NXPH2: variants seen among roughly 807,000 people sequenced by gnomAD.
NXPH2 encodes the protein neurexophilin 2.
NXPH2 carries 5 observed loss-of-function variants against 19.8 expected under a neutral mutation model. The observed-to-expected ratio is 0.25, with a 90% CI of 0.13 to 0.53. The LOEUF (loss-of-function observed/expected upper bound fraction) is 0.53, where lower values mean the gene tolerates loss of function less well. Among genes scored for constraint, NXPH2 ranks in the 20% least tolerant of loss-of-function variants. The probability of loss-of-function intolerance (pLI) is 0.96; values close to 1 mark genes in which losing one functional copy is unlikely to be tolerated. For synonymous variants in NXPH2, 154 were observed against 127.4 expected, an observed-to-expected ratio of 1.21 and a Z score of -1.41; for missense variants, 289 against 322.8, an observed-to-expected ratio of 0.90 and a Z score of 0.80.
intron 1 of NXPH2, among the ~76,000 whole-genome samples, chr2:138,729,384 G>T (rs1277548015): frequency 6.6e-6 from 1 of 152,176 alleles, no homozygotes; most frequent in Non-Finnish European, 1.5e-5. Context: ...GGATGTGTTT[G>T]CTTCCCCTTT....
chr2:138,751,256 C>T (rs1392580490), intron 1 of NXPH2, among the ~76,000 whole-genome samples: 2 of 152,080 alleles, frequency 1.3e-5, no homozygotes, highest in Non-Finnish European at 2.9e-5. Flanking sequence ...ACTCTGAGAT[C>T]CAGCTACCCA....
intron 1 of NXPH2, among the ~76,000 whole-genome samples, chr2:138,728,358 T>A (rs772589115): frequency 2.2e-4 from 34 of 152,214 alleles, no homozygotes; most frequent in Non-Finnish European, 4.3e-4. Context: ...TTTTGTTTGT[T>A]TAAGCCACTT....
chr2:138,745,096 C>T (rs549365753), intron 1 of NXPH2, among the ~76,000 whole-genome samples: 1 of 152,312 alleles, frequency 6.6e-6, no homozygotes, highest in Admixed American at 6.5e-5. Context: ...TAAGACTAAC[C>T]TTCTCAAGCT....
intron 1 of NXPH2, among the ~76,000 whole-genome samples, chr2:138,762,755 T>C (rs2104839853): frequency 6.6e-6 from 1 of 152,328 alleles, no homozygotes; most frequent in African/African-American, 2.4e-5. Flanking sequence ...GGGCTGTGTC[T>C]GGCTTAAACC....
intron 1 of NXPH2, among the ~76,000 whole-genome samples, chr2:138,720,218 T>G (rs1483839916): frequency 6.6e-6 from 1 of 151,146 alleles, no homozygotes; most frequent in Admixed American, 6.6e-5. Context: ...CAATGCAAAG[T>G]AGGTCTCGTA....
intron 1 of NXPH2, among the ~76,000 whole-genome samples, chr2:138,775,744 C>A (rs187616169): frequency 2.2e-4 from 34 of 152,182 alleles, no homozygotes; most frequent in African/African-American, 7.7e-4. Context: ...CACCATCCTG[C>A]ATACTATAAG....
At chr2:138,722,689 G>A (rs929676404) in intron 1 of NXPH2, among the ~76,000 whole-genome samples, 2 of 152,208 alleles carry the variant, frequency 1.3e-5, no homozygotes, top group East Asian at 3.8e-4. Flanking sequence ...GGTGGAAGAG[G>A]TGTTCAGTGG....
chr2:138,768,833 G>C (rs955677857), intron 1 of NXPH2, among the ~76,000 whole-genome samples: 11 of 152,146 alleles, frequency 7.2e-5, no homozygotes, highest in African/African-American at 2.7e-4. Context: ...CTCTGAGATA[G>C]CTAATAACTA....
At chr2:138,769,499 A>G (rs944022777) in intron 1 of NXPH2, among the ~76,000 whole-genome samples, 1 of 152,238 alleles carries the variant, frequency 6.6e-6, no homozygotes, top group Non-Finnish European at 1.5e-5. Flanking sequence ...AAAAGAGTCC[A>G]TAAAATCAGA....
At chr2:138,766,343 G>A (rs889113811) in intron 1 of NXPH2, among the ~76,000 whole-genome samples, 3 of 152,180 alleles carry the variant, frequency 2.0e-5, no homozygotes, top group African/African-American at 7.2e-5. Flanking sequence ...TTCTCGCATA[G>A]CCAGAAATCA....
At chr2:138,762,962 C>T (rs1248855831) in intron 1 of NXPH2, among the ~76,000 whole-genome samples, 3 of 152,104 alleles carry the variant, frequency 2.0e-5, no homozygotes, top group Non-Finnish European at 2.9e-5. Flanking sequence ...TACAGGAGAG[C>T]GTATTACGAA....
chr2:138,713,233 G>C (rs115980967), intron 1 of NXPH2, among the ~76,000 whole-genome samples: 441 of 152,254 alleles, frequency 2.9e-3, no homozygotes, highest in African/African-American at 0.01. Flanking sequence ...TTTGGATTTG[G>C]GTCTGACCTC....
intron 1 of NXPH2, among the ~76,000 whole-genome samples, chr2:138,768,021 A>T (rs1225863291): frequency 6.6e-6 from 1 of 152,016 alleles, no homozygotes; most frequent in African/African-American, 2.4e-5. Context: ...TTATTTTGTC[A>T]GTTATAAATT....
At chr2:138,687,362 T>C (rs1680675837) in intron 1 of NXPH2, among the ~76,000 whole-genome samples, 1 of 152,254 alleles carries the variant, frequency 6.6e-6, no homozygotes, top group Non-Finnish European at 1.5e-5. Flanking sequence ...TTTTGAGAAG[T>C]GTCTGTTCAT....
chr2:138,677,927 A>G (rs1363109961), intron 1 of NXPH2, among the ~76,000 whole-genome samples: 1 of 152,214 alleles, frequency 6.6e-6, no homozygotes, highest in Non-Finnish European at 1.5e-5. Context: ...AACATCTAAC[A>G]CTATAGTATA....
chr2:138,671,031 T>C lies in NXPH2; in HGVS notation c.686A>G (p.Lys229Arg), dbSNP rs774743114. The C allele has an allele frequency of 1.2e-6, 2 of 1,613,906 alleles. No individual in the cohort carries two copies. The highest frequency in any genetic ancestry group is 1.3e-5 in the African/African-American group (1 of 74,940). ...HVSWLCSKPF[K>R]VICIYIAFYS... The stretch of plus-strand genomic sequence containing the variant: ...AAAGGCAATGTAAATGCAAATGACC[T>C]TGAAGGGCTTGGAGCACAACCAAGA... Residue 229 changes from lysine to arginine, a missense_variant, in exon 2 of 2, where the codon AAG (lysine) becomes AGG (arginine). Coordinates refer to ENST00000272641, the MANE Select transcript of NXPH2 (RefSeq NM_007226.3).
At chr2:138,681,006 A>T (rs10928659) in intron 1 of NXPH2, among the ~76,000 whole-genome samples, 114,668 of 152,108 alleles carry the variant, frequency 0.75, 43,953 homozygotes, top group African/African-American at 0.83. Flanking sequence ...CCAGCTACAG[A>T]GCTTGGAAGT....
chr2:138,772,540 C>T (rs1177855420), intron 1 of NXPH2, among the ~76,000 whole-genome samples: 1 of 152,124 alleles, frequency 6.6e-6, no homozygotes, highest in East Asian at 1.9e-4. Context: ...CAGGTGATCT[C>T]CCCACCTCGA....
intron 1 of NXPH2, among the ~76,000 whole-genome samples, chr2:138,760,679 G>A (rs938423465): frequency 2.0e-5 from 3 of 152,110 alleles, no homozygotes; most frequent in African/African-American, 4.8e-5. Context: ...GGTTCCTGGC[G>A]GTTCCTGGCA....
Sources: gnomAD v4.1 joint callset for allele counts (sites outside exome capture counted in the v4.1 genomes callset) on GRCh38, gnomAD v4.1.1 for gene constraint, MANE v1.5 for transcripts, NCBI Gene and HGNC (gene_info 2026-07-23, HGNC 2026-07-21) for gene names.